The following DMTF1 variants were observed in gnomAD, a reference collection of about 807,000 sequenced individuals.
DMTF1 encodes cyclin D binding myb like transcription factor 1.
A neutral mutation model predicts 91.1 loss-of-function variants in DMTF1; 39 were observed. That is an observed-to-expected ratio of 0.43 (90% confidence interval 0.33 to 0.56). The LOEUF is 0.56. DMTF1 is among the 20% of genes least tolerant of loss of function. DMTF1 has a pLI of 0.05. For missense variants in DMTF1, 750 were observed against 914.5 expected, an observed-to-expected ratio of 0.82 and a Z score of 2.32; for synonymous variants, 338 against 309.5, an observed-to-expected ratio of 1.09 and a Z score of -0.97.
At chr7:87,194,363 T>C (rs779659867) in intron 16 of DMTF1, 3 of 458,002 alleles carry the variant, frequency 6.6e-6, no homozygotes, top group Middle Eastern at 6.0e-4. Context: ...AAATGTTTGT[T>C]AGAACCCATA....
At chr7:87,188,937 A>G (rs1799108810) in intron 13 of DMTF1, among the ~76,000 whole-genome samples, 2 of 152,188 alleles carry the variant, frequency 1.3e-5, no homozygotes, top group Admixed American at 6.5e-5. Flanking sequence ...AGGAATGAGG[A>G]TGAAATTCTC....
At position 87,194,661 on chromosome 7, in the gene DMTF1, AT is replaced by A. The variant is rs529199076; in HGVS notation, c.2029-13del. 4.5e-3 allele frequency: 5,902 copies of A among 1,318,146 alleles called. 7 individuals are homozygous for A. Among genetic ancestry groups the A allele is most frequent in the South Asian group, 7.5e-3 (557 of 73,986 alleles). The allele number at this position is 1,318,146 out of a possible 1,614,324, so 81.7% of individuals were successfully genotyped here. A position where few individuals can be genotyped will look rare whatever the true frequency, so the allele number is the denominator to read the frequency against. ...AAGACTAGTAAGAATATGAGTCAAT[AT>A]TTTTTTTTTAATGTTATTTAGGGTT... is the stretch of plus-strand genomic sequence containing the variant. On this transcript the variant is annotated intron_variant, in intron 16 of 17. Transcript: ENST00000331242.
chr7:87,174,751 T>A, intron 7 of DMTF1, 82 bp downstream of exon 7: 1 of 859,040 alleles, frequency 1.2e-6, no homozygotes, highest in African/African-American at 1.7e-5. Flanking sequence ...TTGTGTGCAC[T>A]TATTAGGAGC....
intron 4 of DMTF1, 114 bp from the exon 5 acceptor site, chr7:87,170,881 A>G: frequency 1.4e-6 from 1 of 695,654 alleles, no homozygotes; most frequent in Non-Finnish European, 2.5e-6. Context: ...AAGATGTATT[A>G]ACAAGGAGTG....
At chr7:87,190,576 A>G (rs1387146558) in intron 13 of DMTF1, among the ~76,000 whole-genome samples, 4 of 152,092 alleles carry the variant, frequency 2.6e-5, no homozygotes, top group Non-Finnish European at 5.9e-5. Context: ...CAGATATAGT[A>G]AATATTTTAG....
In DMTF1 at chr7:87,188,660, C is replaced by T. The variant is rs563174101; in HGVS notation, c.1411+359C>T. On this transcript the variant is annotated intron_variant, in intron 13 of 17. Coordinates refer to ENST00000331242, the MANE Select transcript of DMTF1 (RefSeq NM_001142327.2). ...AAATAGAATTCACCAACTGGTATGT[C>T]GTGTAGTAATTTCACTAGAAGACAT... 1.8e-3 allele frequency among the ~76,000 whole-genome samples: 270 copies of T among 152,164 alleles called. 1 individual carries two copies. The highest frequency in any genetic ancestry group is 6.2e-3 in the African/African-American group (257 of 41,550).
intron 5 of DMTF1, among the ~76,000 whole-genome samples, chr7:87,173,138 A>G (rs967543607): frequency 6.6e-6 from 1 of 152,224 alleles, no homozygotes; most frequent in Non-Finnish European, 1.5e-5. Flanking sequence ...TTTCCTATCT[A>G]GAACAGATAA....
chr7:87,154,624 C>T (rs556094688), intron 1 of DMTF1: 1 of 152,512 alleles, frequency 6.6e-6, no homozygotes, highest in Non-Finnish European at 1.5e-5. Context: ...TCTGAGTGTT[C>T]AGGTTTTAGA....
chr7:87,184,687 CTT>C, intron 11 of DMTF1, 62 bp downstream of exon 11: 2 of 1,449,244 alleles, frequency 1.4e-6, no homozygotes, highest in Non-Finnish European at 1.9e-6. Context: ...TCTTGATAGA[CTT>C]TCCTCTTTTG....
At chr7:87,152,857 T>TCGGAGGAGCTAAATGGCGC (rs1259842322) in intron 1 of DMTF1, 1 of 154,786 alleles carries the variant, frequency 6.5e-6, no homozygotes, top group Non-Finnish European at 1.5e-5. Flanking sequence ...GGCGGCGGCT[T>TCGGAGGAGCTAAATGGCGC]CGGAGGAGCT....
intron 9 of DMTF1, among the ~76,000 whole-genome samples, chr7:87,181,553 A>G (rs575657641): frequency 6.6e-6 from 1 of 152,312 alleles, no homozygotes; most frequent in South Asian, 2.1e-4. Context: ...GATGCCATTC[A>G]CCAGATGCTT....
rs751199240 is a variant in DMTF1, at chr7:87,194,038, TCTC to T, written c.1965_1967del (p.Ser656del). The T allele has an allele frequency of 3.1e-6, 5 of 1,612,530 alleles. No individual in the cohort carries two copies. The highest frequency in any genetic ancestry group is 3.4e-6 in the Non-Finnish European group (4 of 1,179,308). ...GTTATGGTCAGAACAGAAGAAGAAA[TCTC>T]TGACACCGACCTTAAACAAGAGGAA... On this transcript the variant is annotated inframe_deletion, in exon 16 of 18. Transcript: ENST00000331242.
Position 87,166,382 on chromosome 7 carries a change from GAA to G in DMTF1, c.110-98_110-97del, listed in dbSNP as rs1793828713. 16 of 1,273,546 alleles carry G rather than the reference GAA, an allele frequency of 1.3e-5. 1 individual carries two copies. In the South Asian group the frequency reaches 2.4e-4, roughly 19 times the overall value. 78.9% of individuals were successfully genotyped at this position (1,273,546 alleles called of 1,614,324 possible). ...TTTAGTTAAATGAGCAAATTGGTAA[GAA>G]AATTTTTTTAATAGATAAGAAAATT... is the stretch of plus-strand genomic sequence containing the variant. On this transcript the variant is annotated intron_variant, in intron 3 of 17. Transcript: ENST00000331242.
At chr7:87,186,208 T>C in intron 12 of DMTF1, 1 of 489,560 alleles carries the variant, frequency 2.0e-6, no homozygotes. Flanking sequence ...ATTCTTGTTC[T>C]TCTACGTAAA....
Position 87,179,680 on chromosome 7 carries a change from G to A in DMTF1, c.655G>A (p.Asp219Asn). The A allele has an allele frequency of 6.3e-7, 1 of 1,578,538 alleles. No individual in the cohort carries two copies. Among genetic ancestry groups the A allele is most frequent in the East Asian group, 2.4e-5 (1 of 42,390 alleles). ...AVYRRVLRMY[D>N]DRNHVGKYTP... ...TTATAGAAGAGTGCTTCGCATGTAT[G>A]ATGACAGAAACCATGTGGGAAAGTA... is the stretch of plus-strand genomic sequence containing the variant. The change falls in exon 8 of 18, where the codon GAT (aspartate) becomes AAT (asparagine). Residue 219 changes from aspartate (D) to asparagine (N), a missense_variant. Coordinates refer to ENST00000331242, the MANE Select transcript of DMTF1 (RefSeq NM_001142327.2).
chr7:87,193,626 T>C, intron 15 of DMTF1, 99 bp from the exon 16 acceptor site: 3 of 1,175,146 alleles, frequency 2.6e-6, no homozygotes, highest in Non-Finnish European at 3.6e-6. Flanking sequence ...ATAAAAGTAT[T>C]TACAGTTTGA....
At chr7:87,153,626 A>G (rs1444393909) in intron 1 of DMTF1, among the ~76,000 whole-genome samples, 2 of 151,966 alleles carry the variant, frequency 1.3e-5, no homozygotes, top group Non-Finnish European at 2.9e-5. Context: ...ATCTTTGTGT[A>G]CCTCTTTTTA....
At chr7:87,160,000 G>A (rs1019792514) in intron 1 of DMTF1, among the ~76,000 whole-genome samples, 1 of 152,146 alleles carries the variant, frequency 6.6e-6, no homozygotes, top group African/African-American at 2.4e-5. Context: ...CAGAGTTGGC[G>A]ATTTTCCTGT....
At chr7:87,162,629 A>G (rs1792759518) in intron 1 of DMTF1, among the ~76,000 whole-genome samples, 1 of 152,168 alleles carries the variant, frequency 6.6e-6, no homozygotes. Flanking sequence ...CAAAAAAGCC[A>G]GCCTTTAAAA....
Sources: allele counts gnomAD v4.1 joint callset (sites outside exome capture counted in the v4.1 genomes callset), GRCh38; gene constraint gnomAD v4.1.1; transcripts MANE v1.5; gene names NCBI Gene and HGNC (gene_info 2026-07-23, HGNC 2026-07-21).